PTPN2: variants seen among roughly 807,000 people sequenced by gnomAD.
The protein encoded by PTPN2 is protein tyrosine phosphatase non-receptor type 2.
In PTPN2, 19 loss-of-function variants were observed where a neutral mutation model predicts 57.3. The ratio of observed to expected loss-of-function variants is 0.33; its 90% CI spans 0.23 to 0.49. The LOEUF is 0.49. Ranked by LOEUF, PTPN2 falls within the 20% of genes least tolerant of loss-of-function variation. The probability of loss-of-function intolerance (pLI) is 0.99; values close to 1 mark genes in which losing one functional copy is unlikely to be tolerated. For missense variants in PTPN2, 358 were observed against 501.1 expected (o/e 0.71, Z 2.73); for synonymous variants, 153 against 164.9 (o/e 0.93, Z 0.55).
In PTPN2 at chr18:12,802,170, T is replaced by C. The variant is rs2041456830; in HGVS notation, c.859-19A>G. The C allele has an allele frequency of 1.3e-6, 2 of 1,543,774 alleles. No homozygotes were observed. Among genetic ancestry groups the C allele is most frequent in the South Asian group, 2.5e-5 (2 of 80,118 alleles). On this transcript the variant is annotated intron_variant, in intron 7 of 8. Transcript: ENST00000309660. ...ATCGTTTCTAGGTAGGGAAGAGAAA[T>C]GAAAAACAAATGCAAACATTAAAAA...
intron 1 of PTPN2, among the ~76,000 whole-genome samples, chr18:12,870,328 T>G (rs1288845717): frequency 1.4e-5 from 1 of 73,250 alleles, no homozygotes; most frequent in Non-Finnish European, 2.5e-5. Flanking sequence ...TGTGTATATA[T>G]ATGTATATAT....
chr18:12,878,064 C>T (rs1022435212), intron 1 of PTPN2, among the ~76,000 whole-genome samples: 3 of 151,850 alleles, frequency 2.0e-5, no homozygotes, highest in Non-Finnish European at 4.4e-5. Flanking sequence ...TGGCCAGGCA[C>T]AGTGGCTCAT....
intron 5 of PTPN2, among the ~76,000 whole-genome samples, chr18:12,825,173 G>GTGTA (rs889142550): frequency 9.2e-5 from 14 of 152,216 alleles, no homozygotes; most frequent in African/African-American, 1.2e-4. Context: ...ATACATGTGT[G>GTGTA]TGTATGTATG....
At chr18:12,866,064 T>C (rs1374634343) in intron 1 of PTPN2, among the ~76,000 whole-genome samples, 2 of 152,218 alleles carry the variant, frequency 1.3e-5, no homozygotes, top group Non-Finnish European at 2.9e-5. Context: ...TATATCTATA[T>C]AATGGAATCT....
At chr18:12,799,373 C>A (rs1015726384) in intron 8 of PTPN2, among the ~76,000 whole-genome samples, 1 of 150,620 alleles carries the variant, frequency 6.6e-6, no homozygotes, top group Non-Finnish European at 1.5e-5. Context: ...GCCAAGACTG[C>A]GCCACTGCAC....
intron 1 of PTPN2, chr18:12,863,557 G>GTA (rs1235053383): frequency 6.7e-6 from 1 of 148,644 alleles, no homozygotes; most frequent in Non-Finnish European, 1.5e-5. Context: ...TTTTTGGGGG[G>GTA]GGGGGGGCAA....
At chr18:12,825,384 T>A (rs1388872694) in intron 5 of PTPN2, among the ~76,000 whole-genome samples, 1 of 152,064 alleles carries the variant, frequency 6.6e-6, no homozygotes, top group East Asian at 1.9e-4. Context: ...TGCATACACA[T>A]CCTCATTTGA....
downstream of PTPN2, chr18:12,788,195 T>C (rs1031303983): frequency 6.5e-6 from 1 of 154,734 alleles, no homozygotes; most frequent in Non-Finnish European, 1.5e-5. Context: ...AATAACTTGA[T>C]GCGTCTTTAA....
intron 1 of PTPN2, among the ~76,000 whole-genome samples, chr18:12,868,751 C>CAA (rs2044083821): frequency 1.3e-5 from 2 of 150,472 alleles, no homozygotes; most frequent in African/African-American, 4.9e-5. Flanking sequence ...GATCTGCCCG[C>CAA]TTCAGCCTCC....
chr18:12,799,861 C>G (rs1273716780), intron 8 of PTPN2, among the ~76,000 whole-genome samples: 1 of 152,152 alleles, frequency 6.6e-6, no homozygotes, highest in Non-Finnish European at 1.5e-5. Flanking sequence ...AAACTCCTGA[C>G]CTCAAGTGAT....
intron 1 of PTPN2, 73 bp from the exon 2 acceptor site, chr18:12,859,327 G>C: frequency 9.6e-7 from 1 of 1,038,770 alleles, no homozygotes; most frequent in South Asian, 1.4e-5. Context: ...CCCAGCCAGC[G>C]TAAAATAACA....
At chr18:12,803,619 A>C (rs961209843) in intron 7 of PTPN2, among the ~76,000 whole-genome samples, 10 of 152,206 alleles carry the variant, frequency 6.6e-5, no homozygotes, top group African/African-American at 2.4e-4. Flanking sequence ...AATAGACTTT[A>C]GGTCAAAAAT....
chr18:12,823,331 C>G (rs1304133543), intron 5 of PTPN2, among the ~76,000 whole-genome samples: 2 of 152,166 alleles, frequency 1.3e-5, no homozygotes, highest in Admixed American at 6.5e-5. Context: ...TCAATAATCT[C>G]TCTTTACAAC....
At chr18:12,861,677 C>A (rs555930525) in intron 1 of PTPN2, among the ~76,000 whole-genome samples, 12 of 152,236 alleles carry the variant, frequency 7.9e-5, no homozygotes, top group African/African-American at 2.4e-4. Context: ...ACAACAACAA[C>A]AAAAACCTAT....
intron 8 of PTPN2, among the ~76,000 whole-genome samples, chr18:12,800,301 A>C (rs928413113): frequency 1.3e-5 from 2 of 152,192 alleles, no homozygotes; most frequent in Non-Finnish European, 2.9e-5. Context: ...AAATACTAAG[A>C]ATGCCATTTC....
At chr18:12,878,165 T>C (rs1434790471) in intron 1 of PTPN2, among the ~76,000 whole-genome samples, 1 of 151,574 alleles carries the variant, frequency 6.6e-6, no homozygotes, top group Admixed American at 6.6e-5. Flanking sequence ...AGTTAAACCC[T>C]GTCTCTACAA....
chr18:12,803,344 C>A (rs1054896188), intron 7 of PTPN2, among the ~76,000 whole-genome samples: 5 of 151,968 alleles, frequency 3.3e-5, no homozygotes, highest in African/African-American at 4.8e-5. Context: ...ATATGAAAAG[C>A]AAACAGAAAA....
Position 12,794,347 on chromosome 18 carries a change from C to T in PTPN2, c.1179G>A (p.Gly393=). The change falls in exon 9 of 9, where the codon GGG becomes GGA. Residue 393 remains glycine, a synonymous_variant. Transcript: ENST00000309660. ...CGCCAACCAAAATGACTGACATAAA[C>T]CCCATCTTAGTGAGAATAGGTTGCC... ...LYWQPILTKM[G]FMSVILVGAF... The T allele has an allele frequency of 6.2e-7, 1 of 1,614,200 alleles. No individual in the cohort carries two copies. Among genetic ancestry groups the T allele is most frequent in the South Asian group, 1.1e-5 (1 of 91,086 alleles).
chr18:12,863,195 A>C (rs908835856), intron 1 of PTPN2: 2 of 152,172 alleles, frequency 1.3e-5, no homozygotes, highest in East Asian at 3.9e-4. Context: ...AGTGGCTCAC[A>C]CCTGCAATCC....
Sources: gnomAD v4.1 joint callset for allele counts (sites outside exome capture counted in the v4.1 genomes callset) on GRCh38, gnomAD v4.1.1 for gene constraint, MANE v1.5 for transcripts, NCBI Gene and HGNC (gene_info 2026-07-23, HGNC 2026-07-21) for gene names.